APBA1: variants seen among roughly 807,000 people sequenced by gnomAD.
APBA1 encodes the protein amyloid-beta A4 precursor protein-binding family A member 1.
A neutral mutation model predicts 86.6 loss-of-function variants in APBA1; 55 were observed. That is an observed-to-expected ratio of 0.64 (90% CI 0.51 to 0.80). The LOEUF (loss-of-function observed/expected upper bound fraction) is 0.80, where lower values mean the gene tolerates loss of function less well. APBA1 is among the 30% of genes least tolerant of loss of function. The pLI is 0.00. For missense variants in APBA1, 1,090 were observed against 1,183.0 expected (o/e 0.92, Z 1.15); for synonymous variants, 511 against 493.9 (o/e 1.03, Z -0.46).
At chr9:69,473,042 TGTGCTCACTG>T (rs1835389545) in intron 3 of APBA1, among the ~76,000 whole-genome samples, 1 of 152,206 alleles carries the variant, frequency 6.6e-6, no homozygotes, top group Non-Finnish European at 1.5e-5. Flanking sequence ...CTGCTGCATG[TGTGCTCACTG>T]GGATGAAATG....
At position 69,500,514 on chromosome 9, in the gene APBA1, G is replaced by A. The variant is rs140385692; in HGVS notation, c.1200+15497C>T. Among the ~76,000 whole-genome samples the A allele has an allele frequency of 2.6e-5, 4 of 152,196 alleles. No individual in the cohort carries two copies. The East Asian group carries it at 5.8e-4, about 22-fold the overall frequency. ...GACTGTGAGCCAAATATTTACATAC[G>A]ATGGACACTCTGAGCAGCGCATCTG... On this transcript the variant is annotated intron_variant, in intron 2 of 12. Transcript: ENST00000265381.
chr9:69,513,246 A>T (rs1298479210), intron 2 of APBA1, among the ~76,000 whole-genome samples: 1 of 152,250 alleles, frequency 6.6e-6, no homozygotes, highest in Non-Finnish European at 1.5e-5. Flanking sequence ...ACAGCATGCA[A>T]GAGAATTAAG....
At chr9:69,451,621 C>A (rs766799854) in intron 9 of APBA1, among the ~76,000 whole-genome samples, 3 of 152,168 alleles carry the variant, frequency 2.0e-5, no homozygotes, top group Non-Finnish European at 2.9e-5. Flanking sequence ...ATCCCCAGAT[C>A]GCCAGACCAG....
chr9:69,567,700 C>G (rs779247225), intron 1 of APBA1, among the ~76,000 whole-genome samples: 3 of 152,162 alleles, frequency 2.0e-5, no homozygotes, highest in African/African-American at 4.8e-5. Flanking sequence ...GCCTCACGCT[C>G]TCATGTCAGT....
At chr9:69,572,157 T>C (rs1477173942) in intron 1 of APBA1, among the ~76,000 whole-genome samples, 1 of 152,214 alleles carries the variant, frequency 6.6e-6, no homozygotes, top group African/African-American at 2.4e-5. Flanking sequence ...ACGTGTGCCA[T>C]GGTGGTTTAC....
At chr9:69,573,012 T>C (rs1331969497) in intron 1 of APBA1, among the ~76,000 whole-genome samples, 6 of 152,178 alleles carry the variant, frequency 3.9e-5, no homozygotes, top group Non-Finnish European at 4.4e-5. Flanking sequence ...TACAAAAAAT[T>C]AGCTGGGTGT....
At chr9:69,597,557 T>C (rs966660081) in intron 1 of APBA1, among the ~76,000 whole-genome samples, 2 of 152,240 alleles carry the variant, frequency 1.3e-5, no homozygotes, top group African/African-American at 4.8e-5. Context: ...CTGCCATTGC[T>C]TTTGGTGTTT....
chr9:69,540,399 C>T (rs181148976), intron 1 of APBA1, among the ~76,000 whole-genome samples: 215 of 152,188 alleles, frequency 1.4e-3, no homozygotes, highest in African/African-American at 5.0e-3. Flanking sequence ...CAGATACCCT[C>T]TTAATAAATT....
chr9:69,431,068 C>T lies in APBA1; in HGVS notation c.*259G>A. The T allele has an allele frequency of 2.5e-6, 1 of 399,440 alleles. No individual in the cohort carries two copies. The highest frequency in any genetic ancestry group is 4.4e-6 in the Non-Finnish European group (1 of 226,438). 24.7% of individuals were successfully genotyped at this position (399,440 alleles called of 1,614,324 possible). A position where few individuals can be genotyped will look rare whatever the true frequency, so the allele number is the denominator to read the frequency against. On this transcript the variant is annotated 3_prime_UTR_variant, in exon 13 of 13. Transcript: ENST00000265381. ...CACCCAGAAAGCCCTCCAGGATGGT[C>T]CTGGGTCAGTACCAGGTGGGTGCTG...
chr9:69,492,001 G>T (rs1418972734), intron 2 of APBA1, among the ~76,000 whole-genome samples: 2 of 152,204 alleles, frequency 1.3e-5, no homozygotes, highest in Middle Eastern at 3.4e-3. Flanking sequence ...CTGACCTCAA[G>T]TGATCCAACT....
chr9:69,427,900 GTACA>G lies in APBA1; in HGVS notation c.*3423_*3426del. 1 of 152,190 alleles carries G rather than the reference GTACA, an allele frequency of 6.6e-6. No homozygotes were observed. The highest frequency in any genetic ancestry group is 6.5e-5 in the Admixed American group (1 of 15,292). 9.4% of individuals were successfully genotyped at this position (152,190 alleles called of 1,614,324 possible). On this transcript the variant is annotated 3_prime_UTR_variant, in exon 13 of 13. Coordinates refer to ENST00000265381, the MANE Select transcript of APBA1 (RefSeq NM_001163.4). ...ATTTCACCCTCTTTACAGAACAATAGTACAAGTTCATACTCTAGGTGCTGTGCTA... is the reference window on the plus strand; with the variant it reads ...ATTTCACCCTCTTTACAGAACAATAGAGTTCATACTCTAGGTGCTGTGCTA...
At chr9:69,629,387 T>C (rs1021571944) in intron 1 of APBA1, among the ~76,000 whole-genome samples, 3 of 152,232 alleles carry the variant, frequency 2.0e-5, no homozygotes, top group African/African-American at 7.2e-5. Flanking sequence ...TAATAGTTCA[T>C]GATTAACCTC....
Position 69,431,230 on chromosome 9 carries a change from C to A in APBA1, c.*97G>T. 1 of 907,534 alleles carries A rather than the reference C, an allele frequency of 1.1e-6. No individual in the cohort carries two copies. The highest frequency in any genetic ancestry group is 1.6e-6 in the Non-Finnish European group (1 of 612,760). The allele number at this position is 907,534 out of a possible 1,614,324, so 56.2% of individuals were successfully genotyped here. ...CCTGTGTAAAACCAAATGCTGGGCGCGAGAGGGGAAAGTCTCAGTGGACAC... is the reference window on the plus strand; with the variant it reads ...CCTGTGTAAAACCAAATGCTGGGCGAGAGAGGGGAAAGTCTCAGTGGACAC... On this transcript the variant is annotated 3_prime_UTR_variant, in exon 13 of 13. Coordinates refer to ENST00000265381, the MANE Select transcript of APBA1 (RefSeq NM_001163.4).
rs1332371240 is a variant in APBA1, at chr9:69,658,218, T to TTC, written c.-70+13933_-70+13934dup. On this transcript the variant is annotated intron_variant, in intron 1 of 12. Coordinates refer to ENST00000265381, the MANE Select transcript of APBA1 (RefSeq NM_001163.4). ...GACAATGTTGTCCTACTCAAGTCCT[T>TTC]TCTCTCTTTCTTTCTTTCTTTCTTT... Among the ~76,000 whole-genome samples, 33 of 149,418 alleles carry TTC rather than the reference T, an allele frequency of 2.2e-4. No individual in the cohort carries two copies. The East Asian group carries it at 5.7e-3, about 26-fold the overall frequency.
intron 2 of APBA1, among the ~76,000 whole-genome samples, chr9:69,499,257 A>G (rs1197330953): frequency 1.3e-5 from 2 of 152,056 alleles, no homozygotes; most frequent in Non-Finnish European, 2.9e-5. Context: ...GGGGCTAACT[A>G]TCCTAGAACC....
intron 1 of APBA1, among the ~76,000 whole-genome samples, chr9:69,539,182 A>G (rs1836559572): frequency 6.6e-6 from 1 of 152,210 alleles, no homozygotes; most frequent in African/African-American, 2.4e-5. Flanking sequence ...CTCATGGTTT[A>G]TCTACCGTCT....
Position 69,428,569 on chromosome 9 carries a change from G to A in APBA1, c.*2758C>T, listed in dbSNP as rs914606379. On this transcript the variant is annotated 3_prime_UTR_variant, in exon 13 of 13. Transcript: ENST00000265381. Reference sequence around the variant, plus strand: ...AGCACACCCTGGTGGAGCAGCCACAGCAGCTCTGTGCCCTCACAGCGTTTG... The same window carrying A: ...AGCACACCCTGGTGGAGCAGCCACAACAGCTCTGTGCCCTCACAGCGTTTG... The A allele has an allele frequency of 2.6e-5, 4 of 152,272 alleles. No homozygotes were observed. The highest frequency in any genetic ancestry group is 5.9e-5 in the Non-Finnish European group (4 of 68,082). The allele number at this position is 152,272 out of a possible 1,614,324, so 9.4% of individuals were successfully genotyped here.
chr9:69,487,406 G>A (rs1357015662), intron 2 of APBA1, among the ~76,000 whole-genome samples: 2 of 152,120 alleles, frequency 1.3e-5, no homozygotes, highest in African/African-American at 4.8e-5. Context: ...CACTGTCTCA[G>A]TTGCTGCAGG....
rs1378873406 is a variant in APBA1 at position 69,430,940 on chromosome 9, C to G, written c.*387G>C. Reference sequence around the variant, plus strand: ...ATCAGCAACTGGGTTTTAGGCACTGCTGAATCAGCTGCTTTGCTGCCCCGC... The same window carrying G: ...ATCAGCAACTGGGTTTTAGGCACTGGTGAATCAGCTGCTTTGCTGCCCCGC... On this transcript the variant is annotated 3_prime_UTR_variant, in exon 13 of 13. Transcript: ENST00000265381. The G allele has an allele frequency of 5.7e-6, 1 of 174,796 alleles. No individual in the cohort carries two copies. Among genetic ancestry groups the G allele is most frequent in the African/African-American group, 2.4e-5 (1 of 42,498 alleles). The allele number at this position is 174,796 out of a possible 1,614,324, so 10.8% of individuals were successfully genotyped here. A position where few individuals can be genotyped will look rare whatever the true frequency, so the allele number is the denominator to read the frequency against.
Sources: gnomAD v4.1 joint callset for allele counts (sites outside exome capture counted in the v4.1 genomes callset) on GRCh38, gnomAD v4.1.1 for gene constraint, MANE v1.5 for transcripts, NCBI Gene and HGNC (gene_info 2026-07-23, HGNC 2026-07-21) for gene names.